The following RHOD variants were observed in gnomAD, a reference collection of about 807,000 sequenced individuals.
The protein encoded by RHOD is rho-related GTP-binding protein RhoD.
A neutral mutation model predicts 16.7 loss-of-function variants in RHOD; 11 were observed. The observed-to-expected ratio is 0.66, with a 90% confidence interval of 0.41 to 1.09. The LOEUF is 1.09. Ranked by LOEUF, RHOD falls within the 50% of genes least tolerant of loss-of-function variation. The pLI is 0.00. For synonymous variants in RHOD, 124 were observed against 126.3 expected, an observed-to-expected ratio of 0.98 and a Z score of 0.12; for missense variants, 271 against 291.7, an observed-to-expected ratio of 0.93 and a Z score of 0.52.
Position 67,071,740 on chromosome 11 carries a change from G to C in RHOD, c.*138G>C. The C allele has an allele frequency of 5.8e-6, 5 of 863,996 alleles. No homozygotes were observed. The highest frequency in any genetic ancestry group is 6.9e-6 in the Non-Finnish European group (4 of 580,964). 53.5% of individuals were successfully genotyped at this position (863,996 alleles called of 1,614,324 possible). A position where few individuals can be genotyped will look rare whatever the true frequency, so the allele number is the denominator to read the frequency against. Reference sequence around the variant, plus strand: ...ACGGGCGCCACCAAAGCCAGGCCCTGAGGCCTGGGAGTCCTGGACTGAGAA... The same window carrying C: ...ACGGGCGCCACCAAAGCCAGGCCCTCAGGCCTGGGAGTCCTGGACTGAGAA... On this transcript the variant is annotated 3_prime_UTR_variant, in exon 5 of 5. Transcript: ENST00000308831.
At chr11:67,070,077 G>A (rs1231567712) in intron 3 of RHOD, among the ~76,000 whole-genome samples, 1 of 152,160 alleles carries the variant, frequency 6.6e-6, no homozygotes. Flanking sequence ...CCTGCAGAGA[G>A]GAAAGATTCT....
At position 67,071,638 on chromosome 11, in the gene RHOD, A is replaced by G; in HGVS notation, c.*36A>G. The G allele has an allele frequency of 6.5e-7, 1 of 1,546,432 alleles. No homozygotes were observed. The highest frequency in any genetic ancestry group is 2.4e-5 in the East Asian group (1 of 41,700). ...GCGTCCCAGCGACGCGGGAAGGGGC[A>G]GGGCGCTGACCTGCTGCTGAGCTGG... On this transcript the variant is annotated 3_prime_UTR_variant, in exon 5 of 5. Transcript: ENST00000308831.
intron 3 of RHOD, among the ~76,000 whole-genome samples, chr11:67,068,512 T>C (rs1214490657): frequency 6.6e-6 from 1 of 152,054 alleles, no homozygotes; most frequent in Non-Finnish European, 1.5e-5. Context: ...GGAGCAGGGC[T>C]AAGGATTCTC....
chr11:67,066,915 G>A (rs1034382803), intron 3 of RHOD, 68 bp downstream of exon 3: 28 of 1,018,486 alleles, frequency 2.7e-5, no homozygotes, highest in African/African-American at 2.5e-4. Flanking sequence ...ACCCACCCTC[G>A]ACCCAGCTGA....
rs565413022 is a variant in RHOD, at chr11:67,056,910, C to T, written c.8C>T (p.Ala3Val). The T allele has an allele frequency of 2.7e-5, 40 of 1,455,790 alleles. No homozygotes were observed. In the African/African-American group the frequency reaches 5.5e-4, roughly 20 times the overall value. 90.2% of individuals were successfully genotyped at this position (1,455,790 alleles called of 1,614,324 possible). MT[A>V]AQAAGEEAPP... is the part of the protein sequence containing the mutation. ...TCAGCGCCCGGCCCCGGGATGACGG[C>T]GGCCCAGGCCGCGGGTGAGGAGGCG... is the stretch of plus-strand genomic sequence containing the variant. Residue 3 changes from alanine (A) to valine (V), a missense_variant, in exon 1 of 5, where the codon GCG (alanine) becomes GTG (valine). By Grantham distance (64) the Ala-to-Val change is moderately conservative (BLOSUM62 0). Coordinates refer to ENST00000308831, the MANE Select transcript of RHOD (RefSeq NM_014578.4).
chr11:67,070,949 G>T (rs1464812887), intron 4 of RHOD, among the ~76,000 whole-genome samples: 3 of 152,116 alleles, frequency 2.0e-5, no homozygotes, highest in Admixed American at 2.0e-4. Context: ...AACAACGAAG[G>T]CTGGCAGGGC....
chr11:67,061,019 C>T (rs772224198), intron 1 of RHOD, among the ~76,000 whole-genome samples: 4 of 152,166 alleles, frequency 2.6e-5, no homozygotes, highest in Non-Finnish European at 5.9e-5. Context: ...AAGAACTACC[C>T]GAGACTGGGT....
At chr11:67,061,751 A>ATAT (rs1213409425) in intron 1 of RHOD, among the ~76,000 whole-genome samples, 11 of 136,170 alleles carry the variant, frequency 8.1e-5, no homozygotes, top group African/African-American at 2.3e-4. Context: ...AAAAAAAAAA[A>ATAT]AAAAATATAT....
intron 1 of RHOD, among the ~76,000 whole-genome samples, chr11:67,060,865 A>T (rs1220155444): frequency 6.6e-6 from 1 of 152,200 alleles, no homozygotes; most frequent in Non-Finnish European, 1.5e-5. Flanking sequence ...AGCTCAGATC[A>T]AGAAGGTGAC....
intron 1 of RHOD, among the ~76,000 whole-genome samples, chr11:67,061,771 T>TATAC (rs1854891974): frequency 7.0e-6 from 1 of 142,658 alleles, no homozygotes; most frequent in African/African-American, 2.6e-5. Context: ...TATATATATA[T>TATAC]ATATGTGTGT....
chr11:67,063,077 G>C (rs1365078862), intron 1 of RHOD, among the ~76,000 whole-genome samples: 7 of 136,528 alleles, frequency 5.1e-5, no homozygotes, highest in African/African-American at 1.7e-4. Context: ...GCCCAGGCAG[G>C]ACAAAGAAGA....
chr11:67,057,228 G>T (rs1261225229), intron 1 of RHOD, among the ~76,000 whole-genome samples, 194 bp downstream of exon 1: 1 of 152,222 alleles, frequency 6.6e-6, no homozygotes, highest in Non-Finnish European at 1.5e-5. Flanking sequence ...CTGTAAAGCC[G>T]GAGGAATGGC....
In RHOD at chr11:67,071,609, C is replaced by T. The variant is rs1197230663; in HGVS notation, c.*7C>T. The T allele has an allele frequency of 5.0e-6, 8 of 1,585,336 alleles. No individual in the cohort carries two copies. The highest frequency in any genetic ancestry group is 2.3e-5 in the East Asian group (1 of 43,460). On this transcript the variant is annotated 3_prime_UTR_variant, in exon 5 of 5. Coordinates refer to ENST00000308831, the MANE Select transcript of RHOD (RefSeq NM_014578.4). ...CTTTTGCGTGGTGACCTGAGCGGCT[C>T]GGGGCGTCCCAGCGACGCGGGAAGG... is the stretch of plus-strand genomic sequence containing the variant.
intron 1 of RHOD, 24 bp downstream of exon 1, chr11:67,057,058 C>A: frequency 7.1e-7 from 1 of 1,414,710 alleles, no homozygotes; most frequent in South Asian, 1.5e-5. Flanking sequence ...GCCTCCGCCT[C>A]GCCCGGTTCC....
chr11:67,061,710 T>G (rs1392360735), intron 1 of RHOD, among the ~76,000 whole-genome samples: 4 of 33,592 alleles, frequency 1.2e-4, no homozygotes, highest in African/African-American at 1.1e-3. Flanking sequence ...CTCCAGCCTG[T>G]CCAGGAGGCG....
intron 3 of RHOD, among the ~76,000 whole-genome samples, chr11:67,068,046 G>C (rs974020651): frequency 6.6e-6 from 1 of 152,098 alleles, no homozygotes; most frequent in South Asian, 2.1e-4. Flanking sequence ...TGATCCGCCC[G>C]CCTCGGCCTC....
chr11:67,066,667 C>A, intron 2 of RHOD, 71 bp from the exon 3 acceptor site: 1 of 1,003,446 alleles, frequency 1.0e-6, no homozygotes, highest in Non-Finnish European at 1.6e-6. Flanking sequence ...ATGAGGTGAC[C>A]TCCTGACATT....
rs778559705 is a variant in RHOD at position 67,060,342 on chromosome 11, CCTT to C, written c.132+3312_132+3314del. ...CGTCCTGGTCCAGCACAGGCCCAGT[CCTT>C]CTTTTCTGGCTGAGGACGGCTTAAC... On this transcript the variant is annotated intron_variant, in intron 1 of 4. Coordinates refer to ENST00000308831, the MANE Select transcript of RHOD (RefSeq NM_014578.4). Among the ~76,000 whole-genome samples, 7 of 152,334 alleles carry C rather than the reference CCTT, an allele frequency of 4.6e-5. No homozygotes were observed. The East Asian group carries it at 7.7e-4, about 17-fold the overall frequency.
intron 1 of RHOD, among the ~76,000 whole-genome samples, chr11:67,060,652 G>C (rs1157632488): frequency 6.6e-6 from 1 of 152,214 alleles, no homozygotes; most frequent in Non-Finnish European, 1.5e-5. Flanking sequence ...GTGTCACCTT[G>C]AACAAGTCAT....
Sources: allele counts gnomAD v4.1 joint callset (sites outside exome capture counted in the v4.1 genomes callset), GRCh38; gene constraint gnomAD v4.1.1; transcripts MANE v1.5; gene names NCBI Gene and HGNC (gene_info 2026-07-23, HGNC 2026-07-21).